The following DISP1 variants were observed in gnomAD, a reference collection of about 807,000 sequenced individuals.
DISP1 encodes protein dispatched homolog 1.
DISP1 carries 30 observed loss-of-function variants against 37.3 expected under a neutral mutation model. That is an observed-to-expected ratio of 0.80 (90% confidence interval 0.60 to 1.09). The LOEUF (loss-of-function observed/expected upper bound fraction) is 1.09. DISP1 is among the 50% of genes least tolerant of loss of function. The pLI, the probability that DISP1 is intolerant of heterozygous loss-of-function variation, is 0.00. For missense variants in DISP1, 1,598 were observed against 1,879.5 expected (o/e 0.85, Z 2.77); for synonymous variants, 634 against 690.2 (o/e 0.92, Z 1.28).
rs141097692 is a variant in DISP1, at chr1:222,940,553, C to T, written c.-17-2254C>T. 4.1e-3 allele frequency among the ~76,000 whole-genome samples: 620 copies of T among 152,310 alleles called. 12 individuals carry two copies. The highest frequency in any genetic ancestry group is 0.017 in the Admixed American group (255 of 15,290). Reference sequence around the variant, plus strand: ...TTAAGTCATTTGTTGTTATTAGATGCTTCTCACTGGCATGACTTACCCAGC... The same window carrying T: ...TTAAGTCATTTGTTGTTATTAGATGTTTCTCACTGGCATGACTTACCCAGC... On this transcript the variant is annotated intron_variant, in intron 2 of 8. Transcript: ENST00000675850.
intron 3 of DISP1, among the ~76,000 whole-genome samples, chr1:222,969,702 C>G (rs141924604): frequency 3.8e-4 from 58 of 151,380 alleles, no homozygotes; most frequent in Admixed American, 1.6e-3. Context: ...CTAGTGTGAT[C>G]ATAATTTTGT....
chr1:222,989,562 A>G (rs538644643), intron 4 of DISP1: 2 of 985,230 alleles, frequency 2.0e-6, no homozygotes, highest in South Asian at 9.4e-5. Context: ...TCTGGAAGAA[A>G]GGGCCCAGTG....
At chr1:222,958,780 C>T (rs1675811538) in intron 3 of DISP1, among the ~76,000 whole-genome samples, 1 of 152,000 alleles carries the variant, frequency 6.6e-6, no homozygotes, top group South Asian at 2.1e-4. Context: ...ACATCAGTAT[C>T]CCATAAAGGT....
chr1:222,906,409 G>A (rs1440626823), intron 1 of DISP1, among the ~76,000 whole-genome samples: 1 of 152,162 alleles, frequency 6.6e-6, no homozygotes, highest in African/African-American at 2.4e-5. Context: ...CTTAAATAGG[G>A]GCTGGGTAAA....
chr1:222,975,583 T>G (rs937652523), intron 3 of DISP1, among the ~76,000 whole-genome samples: 3 of 152,224 alleles, frequency 2.0e-5, no homozygotes, highest in Non-Finnish European at 4.4e-5. Context: ...TTTTTAAAAA[T>G]TTCCCTTGCC....
chr1:222,924,705 A>C (rs1296725908), intron 1 of DISP1, among the ~76,000 whole-genome samples: 1 of 152,184 alleles, frequency 6.6e-6, no homozygotes, highest in Non-Finnish European at 1.5e-5. Flanking sequence ...CAGTATCTAC[A>C]ATGTACCACA....
intron 1 of DISP1, among the ~76,000 whole-genome samples, chr1:222,849,366 ACT>A (rs1668100514): frequency 1.3e-5 from 2 of 152,080 alleles, no homozygotes; most frequent in Non-Finnish European, 2.9e-5. Context: ...AATTACTGAA[ACT>A]CTGAGAAGAA....
Position 223,003,239 on chromosome 1 carries a change from C to A in DISP1, c.1842C>A (p.Thr614=). 6.2e-7 allele frequency: 1 copy of A among 1,614,218 alleles called. No homozygotes were observed. The highest frequency in any genetic ancestry group is 1.3e-5 in the African/African-American group (1 of 75,052). The part of the protein sequence containing the change: ...AALSMFVTSF[T]TAAAFYANYV... ...TCTCCATGTTCGTCACCAGTTTTAC[C>A]ACTGCTGCTGCCTTTTATGCTAACT... The change falls in exon 9 of 9, where the codon ACC becomes ACA. Residue 614 remains threonine, a synonymous_variant. Coordinates refer to ENST00000675850, the MANE Select transcript of DISP1 (RefSeq NM_001377229.1). This position sits in a 1 kb window ranked among gnomAD's most constrained non-coding sequence, Gnocchi z 4.3.
At chr1:222,969,427 G>A (rs1010130689) in intron 3 of DISP1, among the ~76,000 whole-genome samples, 4 of 125,180 alleles carry the variant, frequency 3.2e-5, no homozygotes, top group Non-Finnish European at 6.9e-5. Context: ...AAAATTTAAT[G>A]CCTATCCAAA....
chr1:222,817,861 C>G (rs762273782), intron 1 of DISP1, among the ~76,000 whole-genome samples: 2 of 152,146 alleles, frequency 1.3e-5, no homozygotes, highest in Non-Finnish European at 2.9e-5. Flanking sequence ...AGCCTATAGG[C>G]ATGTAGTTAT....
At chr1:222,817,579 C>T (rs773049735) in intron 1 of DISP1, among the ~76,000 whole-genome samples, 2 of 152,152 alleles carry the variant, frequency 1.3e-5, no homozygotes, top group African/African-American at 2.4e-5. Context: ...TGAGGAGCTA[C>T]GAAAGACTGC....
rs532727347 is a variant in DISP1, at chr1:222,982,981, A to G, written c.510-99A>G. ...TCCAAGATTCTTTGTAAGAGATAAC[A>G]AGTAAAATGTTCAACACATATGTAA... On this transcript the variant is annotated intron_variant, in intron 3 of 8. Transcript: ENST00000675850. 3.4e-6 allele frequency: 3 copies of G among 887,816 alleles called. No homozygotes were observed. The South Asian group carries it at 4.5e-5, about 13-fold the overall frequency. The allele number at this position is 887,816 out of a possible 1,614,324, so 55.0% of individuals were successfully genotyped here. A position where few individuals can be genotyped will look rare whatever the true frequency, so the allele number is the denominator to read the frequency against.
intron 2 of DISP1, among the ~76,000 whole-genome samples, chr1:222,936,450 G>T (rs1487551779): frequency 4.0e-5 from 6 of 150,032 alleles, no homozygotes; most frequent in Admixed American, 6.7e-5. Flanking sequence ...ACAGGAGTTG[G>T]ATGTCATTAT....
chr1:222,815,986 C>CAAG (rs748294960), intron 1 of DISP1, among the ~76,000 whole-genome samples: 28 of 151,634 alleles, frequency 1.8e-4, no homozygotes, highest in Non-Finnish European at 3.4e-4. Flanking sequence ...TTAGTTTAAC[C>CAAG]AATAAAGGCA....
chr1:222,868,838 A>T (rs1388338120), intron 1 of DISP1, among the ~76,000 whole-genome samples: 1 of 152,156 alleles, frequency 6.6e-6, no homozygotes, highest in African/African-American at 2.4e-5. Flanking sequence ...TATATTCTTG[A>T]TTCACATAAT....
At position 223,005,279 on chromosome 1, in the gene DISP1, G is replaced by T; in HGVS notation, c.3882G>T (p.Leu1294Phe). ...PHSCQQMGDC[L>F]CHQCSPTTSS... Reference sequence around the variant, plus strand: ...CTTGCCAGCAGATGGGGGACTGCTTGTGCCACCAGTGCTCTCCTACCACTA... The same window carrying T: ...CTTGCCAGCAGATGGGGGACTGCTTTTGCCACCAGTGCTCTCCTACCACTA... The change falls in exon 9 of 9, where the codon TTG (leucine) becomes TTT (phenylalanine). Residue 1294 changes from leucine (L) to phenylalanine (F), a missense_variant. Transcript: ENST00000675850. The T allele has an allele frequency of 6.2e-7, 1 of 1,613,836 alleles. No individual in the cohort carries two copies. The highest frequency in any genetic ancestry group is 8.5e-7 in the Non-Finnish European group (1 of 1,180,036).
At chr1:222,996,935 C>G (rs1057500608) in intron 8 of DISP1, among the ~76,000 whole-genome samples, 2 of 151,946 alleles carry the variant, frequency 1.3e-5, no homozygotes, top group African/African-American at 4.8e-5. Context: ...TCCATGAGTA[C>G]ATGTTAGACT....
At chr1:222,962,477 T>C (rs930450041) in intron 3 of DISP1, among the ~76,000 whole-genome samples, 26 of 152,166 alleles carry the variant, frequency 1.7e-4, no homozygotes, top group Admixed American at 6.5e-5. Context: ...GCCAAGACAG[T>C]CCTAAGCAAA....
At chr1:222,979,763 T>A in intron 3 of DISP1, 2 of 432,200 alleles carry the variant, frequency 4.6e-6, no homozygotes. Flanking sequence ...CATACTTGGA[T>A]AGCCCTGGCC....
Sources: gnomAD v4.1 joint callset for allele counts (sites outside exome capture counted in the v4.1 genomes callset) on GRCh38, gnomAD v4.1.1 for gene constraint, Gnocchi (gnomAD v3.1) non-coding constraint, MANE v1.5 for transcripts, NCBI Gene and HGNC (gene_info 2026-07-23, HGNC 2026-07-21) for gene names.